Variants in SLIT3 observed in about 807,000 individuals in gnomAD.
SLIT3 encodes the protein slit guidance ligand 3.
A neutral mutation model predicts 184.0 loss-of-function variants in SLIT3; 68 were observed. That is an observed-to-expected ratio of 0.37 (90% CI 0.30 to 0.45). SLIT3 has a LOEUF of 0.45. Among genes scored for constraint, SLIT3 ranks in the 20% least tolerant of loss-of-function variants. SLIT3 has a pLI of 1.00. For missense variants in SLIT3, 1,707 were observed against 2,026.0 expected (o/e 0.84, Z 3.02); for synonymous variants, 831 against 828.6 (o/e 1.00, Z -0.05).
intron 3 of SLIT3, among the ~76,000 whole-genome samples, chr5:169,198,976 A>ACACATG (rs1554106510): frequency 0.05 from 7,390 of 149,202 alleles, 296 homozygotes; most frequent in East Asian, 0.16. Context: ...ACACACACAC[A>ACACATG]TATGTGTGTA....
At chr5:169,194,172 T>A (rs867167556) in intron 3 of SLIT3, among the ~76,000 whole-genome samples, 2 of 133,424 alleles carry the variant, frequency 1.5e-5, no homozygotes, top group South Asian at 2.3e-4. Context: ...GAGGCAGAGG[T>A]TGCAGTGAGC....
intron 4 of SLIT3, among the ~76,000 whole-genome samples, chr5:169,000,615 A>T (rs1320585690): frequency 6.6e-6 from 1 of 152,204 alleles, no homozygotes; most frequent in African/African-American, 2.4e-5. Context: ...TAAGGGTGTT[A>T]GAAGTCAGAG....
At chr5:169,099,468 C>T (rs1045601397) in intron 4 of SLIT3, among the ~76,000 whole-genome samples, 5 of 152,190 alleles carry the variant, frequency 3.3e-5, no homozygotes, top group African/African-American at 7.2e-5. Flanking sequence ...CAAAAAGAAT[C>T]ACTAACACAT....
Position 168,795,649 on chromosome 5 carries a change from G to A in SLIT3, c.936-71C>T, listed in dbSNP as rs150940006. 3.1e-5 allele frequency: 38 copies of A among 1,238,576 alleles called. No homozygotes were observed. In the East Asian group the frequency reaches 8.8e-4, roughly 29 times the overall value. The allele number at this position is 1,238,576 out of a possible 1,614,324, so 76.7% of individuals were successfully genotyped here. On this transcript the variant is annotated intron_variant, in intron 9 of 35. Transcript: ENST00000519560. Reference sequence around the variant, plus strand: ...ACAAGTGGTCACTGAGGGCTACTGTGTTCTCTGGCCTTAAGGACAGGGAGG... The same window carrying A: ...ACAAGTGGTCACTGAGGGCTACTGTATTCTCTGGCCTTAAGGACAGGGAGG...
chr5:168,834,196 G>A (rs1035299176), intron 6 of SLIT3, among the ~76,000 whole-genome samples: 6 of 152,198 alleles, frequency 3.9e-5, no homozygotes, highest in African/African-American at 1.4e-4. Context: ...GACAGGAAGG[G>A]CTCAGGCAGG....
rs1205474302 is a variant in SLIT3 at position 169,106,663 on chromosome 5, G to A, written c.413+86816C>T. Among the ~76,000 whole-genome samples, 3 of 152,058 alleles carry A rather than the reference G, an allele frequency of 2.0e-5. No homozygotes were observed. The East Asian group carries it at 5.8e-4, about 29-fold the overall frequency. On this transcript the variant is annotated intron_variant, in intron 4 of 35. Coordinates refer to ENST00000519560, the MANE Select transcript of SLIT3 (RefSeq NM_003062.4). Reference sequence around the variant, plus strand: ...CATCCCTGATGCTACTGTACATACTGCATCCCCTCCCTGTCTCCCTGTAGC... The same window carrying A: ...CATCCCTGATGCTACTGTACATACTACATCCCCTCCCTGTCTCCCTGTAGC...
chr5:168,948,340 T>C (rs1762552411), intron 4 of SLIT3, among the ~76,000 whole-genome samples: 1 of 152,088 alleles, frequency 6.6e-6, no homozygotes, highest in Admixed American at 6.6e-5. Context: ...CAGAGGAGAC[T>C]CAGCGAAGGA....
At chr5:168,976,649 G>A (rs1248988984) in intron 4 of SLIT3, among the ~76,000 whole-genome samples, 1 of 152,148 alleles carries the variant, frequency 6.6e-6, no homozygotes, top group Non-Finnish European at 1.5e-5. Context: ...TGTTCCTCCT[G>A]TGCTGTGTGC....
intron 4 of SLIT3, among the ~76,000 whole-genome samples, chr5:169,035,276 G>A (rs1029641413): frequency 5.3e-5 from 8 of 152,068 alleles, no homozygotes; most frequent in African/African-American, 1.7e-4. Flanking sequence ...AACAGTAGTA[G>A]TAAGAGTAAT....
chr5:168,972,413 T>C (rs970958824), intron 4 of SLIT3, among the ~76,000 whole-genome samples: 2 of 128,434 alleles, frequency 1.6e-5, no homozygotes, highest in African/African-American at 6.4e-5. Flanking sequence ...TCTTAGGTTT[T>C]TGGCTGGAGC....
intron 4 of SLIT3, among the ~76,000 whole-genome samples, chr5:168,943,643 C>T (rs1051639996): frequency 7.2e-5 from 11 of 152,026 alleles, no homozygotes; most frequent in Admixed American, 5.2e-4. Context: ...TATGAAAGTG[C>T]TTTGTAAAGC....
chr5:169,002,322 CAAA>C (rs397999882), intron 4 of SLIT3, among the ~76,000 whole-genome samples: 339 of 24,060 alleles, frequency 0.014, no homozygotes, highest in African/African-American at 0.046. Context: ...GACTCTGTCT[CAAA>C]AAAAAAAAAA....
At chr5:168,881,905 C>G (rs1429128274) in intron 5 of SLIT3, among the ~76,000 whole-genome samples, 1 of 152,200 alleles carries the variant, frequency 6.6e-6, no homozygotes, top group African/African-American at 2.4e-5. Context: ...CCCTCTCCTG[C>G]TCTTGGGAAA....
Position 169,084,454 on chromosome 5 carries a change from ATTTTT to A in SLIT3, c.413+109020_413+109024del, listed in dbSNP as rs56062027. ...TACAGGCATGCGCCACCATGCCCAG[ATTTTT>A]TTTTTTTTTTTTTTTTTTTGTTTCT... On this transcript the variant is annotated intron_variant, in intron 4 of 35. Coordinates refer to ENST00000519560, the MANE Select transcript of SLIT3 (RefSeq NM_003062.4). 4.9e-5 allele frequency among the ~76,000 whole-genome samples: 5 copies of A among 101,408 alleles called. No individual in the cohort carries two copies. In the East Asian group the frequency reaches 8.0e-4, roughly 16 times the overall value. The allele number at this position is 101,408 out of a possible 152,430, so 66.5% of individuals were successfully genotyped here.
At chr5:168,717,563 C>T (rs539898015) in intron 23 of SLIT3, among the ~76,000 whole-genome samples, 31 of 152,330 alleles carry the variant, frequency 2.0e-4, no homozygotes, top group African/African-American at 7.2e-4. Context: ...TTCTTTCCCC[C>T]TCCAGAGTTA....
At chr5:168,998,117 G>GT (rs1200861708) in intron 4 of SLIT3, among the ~76,000 whole-genome samples, 1 of 152,160 alleles carries the variant, frequency 6.6e-6, no homozygotes, top group African/African-American at 2.4e-5. Flanking sequence ...ATCTCACAGA[G>GT]TTACAAGAAA....
chr5:168,684,130 C>T (rs1156835283), intron 31 of SLIT3, 34 bp from the exon 32 acceptor site: 1 of 1,535,956 alleles, frequency 6.5e-7, no homozygotes, highest in African/African-American at 1.4e-5. Flanking sequence ...TTAGTAAGGG[C>T]TTACCTGAGA....
Position 168,890,543 on chromosome 5 carries a change from T to A in SLIT3, c.414-7207A>T, listed in dbSNP as rs1372915322. Among the ~76,000 whole-genome samples, 3 of 152,256 alleles carry A rather than the reference T, an allele frequency of 2.0e-5. No homozygotes were observed. In the East Asian group the frequency reaches 5.8e-4, roughly 29 times the overall value. ...AAATACACATTCATTCCTGTTAATTTTTAAAAATTTAAAGTGAGAATAGAA... is the reference window on the plus strand; with the variant it reads ...AAATACACATTCATTCCTGTTAATTATTAAAAATTTAAAGTGAGAATAGAA... On this transcript the variant is annotated intron_variant, in intron 4 of 35. Coordinates refer to ENST00000519560, the MANE Select transcript of SLIT3 (RefSeq NM_003062.4).
intron 5 of SLIT3, among the ~76,000 whole-genome samples, chr5:168,862,638 C>G (rs1465778163): frequency 1.3e-5 from 2 of 151,860 alleles, no homozygotes; most frequent in Non-Finnish European, 2.9e-5. Flanking sequence ...TCCTAGAGAT[C>G]ACTCAATAGA....
Sources: gnomAD v4.1 joint callset for allele counts (sites outside exome capture counted in the v4.1 genomes callset) on GRCh38, gnomAD v4.1.1 for gene constraint, MANE v1.5 for transcripts, NCBI Gene and HGNC (gene_info 2026-07-23, HGNC 2026-07-21) for gene names.